SPTBN1: variants seen among roughly 807,000 people sequenced by gnomAD.
The protein encoded by SPTBN1 is spectrin beta chain, non-erythrocytic 1.
In SPTBN1, 32 loss-of-function variants were observed where a neutral mutation model predicts 266.4. The ratio of observed to expected loss-of-function variants is 0.12; its 90% CI spans 0.09 to 0.16. The LOEUF is 0.16. Among genes scored for constraint, SPTBN1 ranks in the 10% least tolerant of loss-of-function variants. The pLI is 1.00. For missense variants in SPTBN1, 2,296 were observed against 3,067.1 expected (o/e 0.75, Z 5.94); for synonymous variants, 1,336 against 1,162.2 (o/e 1.15, Z -3.04).
rs1018124128 is a variant in SPTBN1, at chr2:54,539,352, T to C, written c.148+12786T>C. 2.0e-5 allele frequency among the ~76,000 whole-genome samples: 3 copies of C among 152,334 alleles called. No individual in the cohort carries two copies. In the South Asian group the frequency reaches 6.2e-4, roughly 32 times the overall value. On this transcript the variant is annotated intron_variant, in intron 2 of 35. Coordinates refer to ENST00000356805, the MANE Select transcript of SPTBN1 (RefSeq NM_003128.3). ...CTATTAAAGATTTCTTTGTGTTTAA[T>C]AATTTTACATTAAAATGCATTATAA...
intron 1 of SPTBN1, among the ~76,000 whole-genome samples, chr2:54,505,304 T>C (rs1424215481): frequency 1.3e-5 from 2 of 152,228 alleles, no homozygotes; most frequent in Non-Finnish European, 2.9e-5. Flanking sequence ...CAGTTCTTTC[T>C]GTAGCTATCC....
At chr2:54,601,583 T>G (rs1349758279) in intron 3 of SPTBN1, among the ~76,000 whole-genome samples, 1 of 152,162 alleles carries the variant, frequency 6.6e-6, no homozygotes, top group African/African-American at 2.4e-5. Flanking sequence ...AAGTGTGTCA[T>G]CAGATAACAT....
chr2:54,509,075 C>T (rs976952099), intron 1 of SPTBN1, among the ~76,000 whole-genome samples: 3 of 152,134 alleles, frequency 2.0e-5, no homozygotes, highest in Non-Finnish European at 4.4e-5. Flanking sequence ...GGGGGCAGAG[C>T]GGTAGCCTCA....
At chr2:54,519,155 C>T (rs1670280308) in intron 1 of SPTBN1, among the ~76,000 whole-genome samples, 1 of 152,146 alleles carries the variant, frequency 6.6e-6, no homozygotes, top group South Asian at 2.1e-4. Flanking sequence ...GCTCTCACCT[C>T]CCAGTCCTCC....
chr2:54,558,825 C>T lies in SPTBN1; in HGVS notation c.148+32259C>T, dbSNP rs764883812. 1 of 1,613,764 alleles carries T rather than the reference C, an allele frequency of 6.2e-7. No individual in the cohort carries two copies. Among genetic ancestry groups the T allele is most frequent in the Non-Finnish European group, 8.5e-7 (1 of 1,179,800 alleles). On this transcript the variant is annotated intron_variant, in intron 2 of 35. Coordinates refer to ENST00000356805, the MANE Select transcript of SPTBN1 (RefSeq NM_003128.3). The surrounding 1 kb of genome is among the most constrained non-coding windows in gnomAD (Gnocchi z 4.6). Reference sequence around the variant, plus strand: ...AGTATCTCCGGGCCGCTGTCGCCGGCGTACACGGGGCAGGTGCCTTACAAC... The same window carrying T: ...AGTATCTCCGGGCCGCTGTCGCCGGTGTACACGGGGCAGGTGCCTTACAAC...
chr2:54,520,535 G>A (rs1670374099), intron 1 of SPTBN1: 1 of 152,140 alleles, frequency 6.6e-6, no homozygotes, highest in African/African-American at 2.4e-5. Flanking sequence ...GAATTTCTGT[G>A]CATCTTATGG....
Position 54,496,236 on chromosome 2 carries a change from G to A in SPTBN1, c.-47-30136G>A, listed in dbSNP as rs574355414. Reference sequence around the variant, plus strand: ...GTGGATTGCCTAAGCTCAGGAGTTCGAGACCAGCCTGGGCAACACAGTGAA... The same window carrying A: ...GTGGATTGCCTAAGCTCAGGAGTTCAAGACCAGCCTGGGCAACACAGTGAA... On this transcript the variant is annotated intron_variant, in intron 1 of 35. Coordinates refer to ENST00000356805, the MANE Select transcript of SPTBN1 (RefSeq NM_003128.3). 2.6e-3 allele frequency among the ~76,000 whole-genome samples: 402 copies of A among 151,964 alleles called. 2 individuals are homozygous for A. Among genetic ancestry groups the A allele is most frequent in the African/African-American group, 9.0e-3 (372 of 41,410 alleles).
In SPTBN1 at chr2:54,653,557, G is replaced by T. The variant is rs1256445371; in HGVS notation, c.5578-52G>T. The T allele has an allele frequency of 6.3e-7, 1 of 1,594,934 alleles. No homozygotes were observed. The highest frequency in any genetic ancestry group is 2.2e-5 in the East Asian group (1 of 44,776). ...GAACAGAATAGGGCTTGGGGTGATG[G>T]TGGGAAGGCCGCCATGGGCTGACCT... On this transcript the variant is annotated intron_variant, in intron 26 of 35. Coordinates refer to ENST00000356805, the MANE Select transcript of SPTBN1 (RefSeq NM_003128.3). The surrounding 1 kb of genome is among the most constrained non-coding windows in gnomAD (Gnocchi z 5.1).
chr2:54,545,729 A>G (rs563545730), intron 2 of SPTBN1, among the ~76,000 whole-genome samples: 1 of 152,116 alleles, frequency 6.6e-6, no homozygotes, highest in Non-Finnish European at 1.5e-5. Flanking sequence ...AGAGAACTCC[A>G]TCTAGCCTCT....
Position 54,647,272 on chromosome 2 carries a change from C to CT in SPTBN1, c.4997+13dup, listed in dbSNP as rs768497799. On this transcript the variant is annotated intron_variant, in intron 24 of 35. Transcript: ENST00000356805. ...CAGCCATCCTGAAAGGTGAGCGCTG[C>CT]TTCATGAGTGTGAGACCCGGCTCTC... is the stretch of plus-strand genomic sequence containing the variant. 1 of 1,613,376 alleles carries CT rather than the reference C, an allele frequency of 6.2e-7. No homozygotes were observed. Among genetic ancestry groups the CT allele is most frequent in the South Asian group, 1.1e-5 (1 of 91,078 alleles).
intron 1 of SPTBN1, among the ~76,000 whole-genome samples, chr2:54,504,334 T>G (rs1275180175): frequency 1.3e-5 from 2 of 152,198 alleles, no homozygotes; most frequent in Admixed American, 6.5e-5. Context: ...ATTTCCTCCT[T>G]TTTCGGAGAA....
chr2:54,657,066 C>G (rs1373800161), intron 29 of SPTBN1, among the ~76,000 whole-genome samples: 1 of 152,206 alleles, frequency 6.6e-6, no homozygotes, highest in Non-Finnish European at 1.5e-5. Context: ...CTCAATGATC[C>G]CAGGCTTTGC....
At chr2:54,481,929 C>T (rs568791013) in intron 1 of SPTBN1, among the ~76,000 whole-genome samples, 30 of 152,228 alleles carry the variant, frequency 2.0e-4, no homozygotes, top group African/African-American at 7.0e-4. Flanking sequence ...TCTTTGCTTC[C>T]TCCTTTTACC....
At position 54,489,148 on chromosome 2, in the gene SPTBN1, A is replaced by G. The variant is rs1432625025; in HGVS notation, c.-48+32630A>G. ...CTAGCCTAGGCAAAACCTGGTCTGTATTTAAAAAAAAAAAAAAAAAAAAAA... is the reference window on the plus strand; with the variant it reads ...CTAGCCTAGGCAAAACCTGGTCTGTGTTTAAAAAAAAAAAAAAAAAAAAAA... On this transcript the variant is annotated intron_variant, in intron 1 of 35. Transcript: ENST00000356805. Among the ~76,000 whole-genome samples the G allele has an allele frequency of 6.8e-5, 6 of 87,642 alleles. No individual in the cohort carries two copies. The East Asian group carries it at 1.9e-3, about 28-fold the overall frequency. 57.5% of individuals were successfully genotyped at this position (87,642 alleles called of 152,430 possible). A position where few individuals can be genotyped will look rare whatever the true frequency, so the allele number is the denominator to read the frequency against.
chr2:54,614,218 A>T (rs552715929), intron 4 of SPTBN1, among the ~76,000 whole-genome samples: 1 of 152,326 alleles, frequency 6.6e-6, no homozygotes, highest in East Asian at 1.9e-4. Context: ...CTACAAAAAT[A>T]ATATGATTAT....
intron 1 of SPTBN1, among the ~76,000 whole-genome samples, chr2:54,475,836 C>G (rs1387663076): frequency 1.3e-5 from 2 of 152,064 alleles, no homozygotes; most frequent in Non-Finnish European, 2.9e-5. Flanking sequence ...TGTCAAAGGC[C>G]TCACCTCCAC....
intron 24 of SPTBN1, among the ~76,000 whole-genome samples, chr2:54,648,486 G>C (rs923807125): frequency 6.6e-6 from 1 of 152,218 alleles, no homozygotes; most frequent in Non-Finnish European, 1.5e-5. Flanking sequence ...AGGGCCTTGC[G>C]TGCCACACTG....
At chr2:54,549,096 C>T (rs974068732) in intron 2 of SPTBN1, among the ~76,000 whole-genome samples, 3 of 152,004 alleles carry the variant, frequency 2.0e-5, no homozygotes, top group Non-Finnish European at 4.4e-5. Context: ...AGGTCAGAAG[C>T]CTGGCCAATG....
chr2:54,481,405 T>A (rs1374582308), intron 1 of SPTBN1, among the ~76,000 whole-genome samples: 5 of 90,318 alleles, frequency 5.5e-5, no homozygotes, highest in African/African-American at 2.6e-4. Context: ...TGTGTGTGTG[T>A]GTGTGTGTGT....
Sources: gnomAD v4.1 joint callset for allele counts (sites outside exome capture counted in the v4.1 genomes callset) on GRCh38, gnomAD v4.1.1 for gene constraint, Gnocchi (gnomAD v3.1) non-coding constraint, MANE v1.5 for transcripts, NCBI Gene and HGNC (gene_info 2026-07-23, HGNC 2026-07-21) for gene names.